The following CCR5AS variants were observed in gnomAD, a reference collection of about 807,000 sequenced individuals.
CCR5AS encodes CCR5 antisense RNA.
chr3:46,383,337 A>G (rs1462192114), intron 2 of CCR5AS, among the ~76,000 whole-genome samples: 1 of 152,198 alleles, frequency 6.6e-6, no homozygotes, highest in African/African-American at 2.4e-5. Flanking sequence ...AAGCAAACTG[A>G]GAGAGTGAGG....
At chr3:46,373,895 T>C (rs201780857) in intron 2 of CCR5AS, 95 of 1,610,460 alleles carry the variant, frequency 5.9e-5, no homozygotes, top group Non-Finnish European at 7.7e-5. Flanking sequence ...AGCAAGAGGC[T>C]CCCGAGCGAG....
At chr3:46,401,854 G>A (rs1262926053) in intron 1 of CCR5AS, among the ~76,000 whole-genome samples, 1 of 151,176 alleles carries the variant, frequency 6.6e-6, no homozygotes, top group Admixed American at 6.6e-5. Context: ...GTCTAAGGAA[G>A]CATTTCTCAG....
chr3:46,383,188 A>G (rs1335565468), intron 2 of CCR5AS, among the ~76,000 whole-genome samples: 1 of 152,220 alleles, frequency 6.6e-6, no homozygotes, highest in Non-Finnish European at 1.5e-5. Flanking sequence ...TGATTTTGTA[A>G]GTAATGGATG....
chr3:46,367,961 G>A (rs2106736131), intron 3 of CCR5AS, among the ~76,000 whole-genome samples: 1 of 152,280 alleles, frequency 6.6e-6, no homozygotes, highest in Non-Finnish European at 1.5e-5. Flanking sequence ...GTCAACTCAG[G>A]CCCCAGGGAT....
chr3:46,406,497 AT>A (rs1702049279), intron 1 of CCR5AS, among the ~76,000 whole-genome samples: 1 of 150,770 alleles, frequency 6.6e-6, no homozygotes, highest in African/African-American at 2.4e-5. Flanking sequence ...TGTTCTCTCA[AT>A]TTCCTTCTCT....
intron 2 of CCR5AS, among the ~76,000 whole-genome samples, chr3:46,376,941 A>G (rs1701767248): frequency 6.6e-6 from 1 of 152,166 alleles, no homozygotes; most frequent in Admixed American, 6.5e-5. Context: ...TGATCTGACT[A>G]GAAGGGCAGC....
At chr3:46,364,122 A>G (rs1281683355), downstream of CCR5AS, among the ~76,000 whole-genome samples, 2 of 152,262 alleles carry the variant, frequency 1.3e-5, no homozygotes, top group African/African-American at 2.4e-5. Context: ...TCTACACGAA[A>G]CAACAGATTT....
intron 2 of CCR5AS, chr3:46,375,483 G>A (rs1701742595): frequency 6.0e-6 from 1 of 167,018 alleles, no homozygotes; most frequent in Non-Finnish European, 1.5e-5. Context: ...AGAGGTGAGG[G>A]AAGCCTGAAA....
intron 3 of CCR5AS, among the ~76,000 whole-genome samples, chr3:46,370,111 A>G (rs1160626042): frequency 6.6e-6 from 1 of 152,112 alleles, no homozygotes; most frequent in African/African-American, 2.4e-5. Context: ...ACTTGACCAT[A>G]TACTTATGTC....
At chr3:46,374,818 C>A (rs1308008322) in intron 2 of CCR5AS, 1 of 167,368 alleles carries the variant, frequency 6.0e-6, no homozygotes, top group African/African-American at 2.4e-5. Context: ...GCATTTAGGG[C>A]AAGGAGACCA....
chr3:46,375,699 C>G (rs1352071675), intron 2 of CCR5AS: 1 of 166,858 alleles, frequency 6.0e-6, no homozygotes, highest in African/African-American at 2.4e-5. Context: ...TTCCAGATGC[C>G]TTCTCCAGAC....
At chr3:46,393,401 C>A (rs1345085030) in intron 1 of CCR5AS, among the ~76,000 whole-genome samples, 4 of 140,990 alleles carry the variant, frequency 2.8e-5, no homozygotes, top group African/African-American at 8.1e-5. Context: ...AGAGGCCTGA[C>A]AGGTTGCTGC....
At chr3:46,378,683 A>C (rs1288132933) in intron 2 of CCR5AS, among the ~76,000 whole-genome samples, 2 of 152,158 alleles carry the variant, frequency 1.3e-5, no homozygotes, top group East Asian at 3.9e-4. Context: ...TGTGAAAAAG[A>C]GGTATTTCCA....
rs142857833 is a variant in CCR5AS at position 46,406,322 on chromosome 3, A to C, written n.163+575T>G. 2.5e-3 allele frequency among the ~76,000 whole-genome samples: 375 copies of C among 152,254 alleles called. 4 individuals are homozygous for C. The highest frequency in any genetic ancestry group is 8.1e-3 in the African/African-American group (337 of 41,534). Reference sequence around the variant, plus strand: ...GTCTGATCCCCAAATTAGGTTAGTCACAGCTGCTGAGTCGTTGACCCAAGA... The same window carrying C: ...GTCTGATCCCCAAATTAGGTTAGTCCCAGCTGCTGAGTCGTTGACCCAAGA... On this transcript the variant is annotated intron_variant and non_coding_transcript_variant, in intron 1 of 3. Coordinates refer to ENST00000451485, the Ensembl canonical transcript of CCR5AS.
rs746492 is a variant in CCR5AS at position 46,375,821 on chromosome 3, G to T, written n.392-4404C>A. On this transcript the variant is annotated intron_variant and non_coding_transcript_variant, in intron 2 of 3. Transcript: ENST00000451485. ...AGAGAGAGAGGTTTTTTTCTGTTCT[G>T]TCTCATATGATTGTGCACATACTTG... 0.5 allele frequency: 82,430 copies of T among 166,310 alleles called. 20,743 individuals carry two copies. The highest frequency in any genetic ancestry group is 0.62 in the South Asian group (2,947 of 4,782). 10.3% of individuals were successfully genotyped at this position (166,310 alleles called of 1,614,324 possible).
intron 2 of CCR5AS, chr3:46,373,965 G>T: frequency 6.5e-7 from 1 of 1,546,638 alleles, no homozygotes; most frequent in Non-Finnish European, 8.8e-7. Flanking sequence ...CTTGTGACAC[G>T]GACTCAAGTG....
At chr3:46,375,823 C>T (rs200688955) in intron 2 of CCR5AS, 12 of 166,624 alleles carry the variant, frequency 7.2e-5, no homozygotes, top group African/African-American at 1.2e-4. Context: ...TCTGTTCTGT[C>T]TCATATGATT....
chr3:46,373,085 G>A, intron 2 of CCR5AS: 1 of 1,614,184 alleles, frequency 6.2e-7, no homozygotes, highest in East Asian at 2.2e-5. Context: ...GCAAAAGGCT[G>A]AAGAGCATGA....
At chr3:46,390,978 A>C (rs781415620) in intron 2 of CCR5AS, among the ~76,000 whole-genome samples, 1 of 152,218 alleles carries the variant, frequency 6.6e-6, no homozygotes, top group Non-Finnish European at 1.5e-5. Flanking sequence ...TACCCAAAGC[A>C]TCTGTGATGG....
Sources: allele counts gnomAD v4.1 joint callset (sites outside exome capture counted in the v4.1 genomes callset), GRCh38; gene constraint gnomAD v4.1.1; transcripts MANE v1.5; gene names NCBI Gene and HGNC (gene_info 2026-07-23, HGNC 2026-07-21).